NALF1: variants seen among roughly 807,000 people sequenced by gnomAD.
The protein encoded by NALF1 is family with sequence similarity 155 member A.
In NALF1, 3 loss-of-function variants were observed where a neutral mutation model predicts 48.4. The ratio of observed to expected loss-of-function variants is 0.06; its 90% CI spans 0.03 to 0.16. The LOEUF is 0.16. Ranked by LOEUF, NALF1 falls within the 10% of genes least tolerant of loss-of-function variation. NALF1 has a pLI of 1.00. For synonymous variants in NALF1, 262 were observed against 245.7 expected, an observed-to-expected ratio of 1.07 and a Z score of -0.62; for missense variants, 526 against 571.5, an observed-to-expected ratio of 0.92 and a Z score of 0.81.
chr13:107,506,712 A>T (rs960625165), intron 1 of NALF1, among the ~76,000 whole-genome samples: 1 of 152,108 alleles, frequency 6.6e-6, no homozygotes, highest in African/African-American at 2.4e-5. Flanking sequence ...AGGTATCAGA[A>T]TTCATTTTTT....
rs1878760466 is a variant in NALF1 at position 107,169,935 on chromosome 13, A to ACTT, written c.*559_*561dup. The ACTT allele has an allele frequency of 1.4e-5, 2 of 144,334 alleles. No individual in the cohort carries two copies. Among genetic ancestry groups the ACTT allele is most frequent in the African/African-American group, 5.3e-5 (2 of 37,808 alleles). The allele number at this position is 144,334 out of a possible 1,614,324, so 8.9% of individuals were successfully genotyped here. The stretch of plus-strand genomic sequence containing the variant: ...TGTTGGTTCTGTGGGTAGAAGGGAG[A>ACTT]CTTAGGGATTTTTTTTATTTTTATT... On this transcript the variant is annotated 3_prime_UTR_variant, in exon 3 of 3. Coordinates refer to ENST00000375915, the MANE Select transcript of NALF1 (RefSeq NM_001080396.3).
At chr13:107,683,440 A>T (rs865976627) in intron 1 of NALF1, among the ~76,000 whole-genome samples, 10 of 152,296 alleles carry the variant, frequency 6.6e-5, no homozygotes, top group Admixed American at 2.0e-4. Flanking sequence ...AGACAGACTT[A>T]GGGTCACTTT....
chr13:107,554,649 A>G (rs1877402550), intron 1 of NALF1, among the ~76,000 whole-genome samples: 1 of 152,174 alleles, frequency 6.6e-6, no homozygotes, highest in Admixed American at 6.5e-5. Flanking sequence ...GATTGGATGT[A>G]TTATTTACAC....
intron 1 of NALF1, among the ~76,000 whole-genome samples, chr13:107,540,978 C>T (rs941045939): frequency 2.0e-5 from 3 of 152,080 alleles, no homozygotes; most frequent in African/African-American, 7.2e-5. Flanking sequence ...ATTAACTTTA[C>T]AGACTTCTAA....
chr13:107,182,924 G>T, intron 2 of NALF1, among the ~76,000 whole-genome samples: 1 of 152,170 alleles, frequency 6.6e-6, no homozygotes, highest in East Asian at 1.9e-4. Context: ...ACGGGGGATG[G>T]CAGGAATATT....
intron 1 of NALF1, among the ~76,000 whole-genome samples, chr13:107,459,735 T>C (rs1044818036): frequency 2.6e-5 from 4 of 152,088 alleles, no homozygotes; most frequent in African/African-American, 9.7e-5. Flanking sequence ...GTCATGCTTC[T>C]TATTTTTTAT....
In NALF1 at chr13:107,733,229, A is replaced by C. The variant is rs116583000; in HGVS notation, c.915+132453T>G. 4.0e-3 allele frequency among the ~76,000 whole-genome samples: 612 copies of C among 152,300 alleles called. 4 individuals carry two copies. Among genetic ancestry groups the C allele is most frequent in the African/African-American group, 0.014 (586 of 41,574 alleles). The stretch of plus-strand genomic sequence containing the variant: ...ATGCCGACTTAAACTGTCTAGTCTG[A>C]GCCTAGCAACCTAGGCAGAAGTGAG... On this transcript the variant is annotated intron_variant, in intron 1 of 2. Transcript: ENST00000375915.
chr13:107,594,308 A>G (rs1247211578), intron 1 of NALF1, among the ~76,000 whole-genome samples: 1 of 152,116 alleles, frequency 6.6e-6, no homozygotes, highest in Non-Finnish European at 1.5e-5. Flanking sequence ...TAGGCACTCA[A>G]CAAAGATGAA....
At chr13:107,843,701 A>G (rs1171147734) in intron 1 of NALF1, among the ~76,000 whole-genome samples, 1 of 152,132 alleles carries the variant, frequency 6.6e-6, no homozygotes, top group East Asian at 1.9e-4. Context: ...GTGCACATGG[A>G]TGACCTCTTT....
intron 1 of NALF1, among the ~76,000 whole-genome samples, chr13:107,768,839 A>G (rs944654432): frequency 9.2e-5 from 14 of 152,176 alleles, no homozygotes; most frequent in Non-Finnish European, 1.6e-4. Flanking sequence ...AAACAAATTT[A>G]CAAGAAAAAA....
At chr13:107,638,259 C>T (rs1299881261) in intron 1 of NALF1, among the ~76,000 whole-genome samples, 1 of 141,652 alleles carries the variant, frequency 7.1e-6, no homozygotes, top group Non-Finnish European at 1.5e-5. Flanking sequence ...TGGCAGACTG[C>T]TTCTACCTTC....
intron 1 of NALF1, among the ~76,000 whole-genome samples, chr13:107,822,155 G>C (rs1879377402): frequency 6.6e-6 from 1 of 152,036 alleles, no homozygotes; most frequent in South Asian, 2.1e-4. Flanking sequence ...TGTTATAAAA[G>C]TGGCAGAGTA....
At chr13:107,783,015 T>TGG (rs1434601766) in intron 1 of NALF1, among the ~76,000 whole-genome samples, 1 of 105,502 alleles carries the variant, frequency 9.5e-6, no homozygotes, top group African/African-American at 3.8e-5. Context: ...GGGAGGGAGG[T>TGG]GGGGGGTCAG....
At chr13:107,248,019 T>G (rs1377435806) in intron 1 of NALF1, among the ~76,000 whole-genome samples, 1 of 152,070 alleles carries the variant, frequency 6.6e-6, no homozygotes, top group Non-Finnish European at 1.5e-5. Flanking sequence ...TGGAAGATAC[T>G]CACATTGGCA....
At chr13:107,611,111 G>A (rs1879212886) in intron 1 of NALF1, among the ~76,000 whole-genome samples, 1 of 152,160 alleles carries the variant, frequency 6.6e-6, no homozygotes, top group Non-Finnish European at 1.5e-5. Context: ...GTGATACTTT[G>A]TGTAATTATT....
intron 1 of NALF1, among the ~76,000 whole-genome samples, chr13:107,681,373 C>CG (rs1881298154): frequency 6.6e-6 from 1 of 152,008 alleles, no homozygotes; most frequent in Non-Finnish European, 1.5e-5. Flanking sequence ...ATGAAAGGGT[C>CG]ACTGGTCTGG....
intron 1 of NALF1, among the ~76,000 whole-genome samples, chr13:107,498,048 C>T (rs199939597): frequency 8.6e-5 from 13 of 151,728 alleles, no homozygotes; most frequent in Admixed American, 2.0e-4. Context: ...AAGCTAATAA[C>T]GTGATATTTT....
At chr13:107,235,760 C>G (rs1263349989) in intron 1 of NALF1, among the ~76,000 whole-genome samples, 1 of 152,118 alleles carries the variant, frequency 6.6e-6, no homozygotes, top group African/African-American at 2.4e-5. Context: ...CAAAGAAACA[C>G]CATTTTCAGG....
chr13:107,344,965 TAAA>T (rs929166457), intron 1 of NALF1, among the ~76,000 whole-genome samples: 3 of 152,042 alleles, frequency 2.0e-5, no homozygotes, highest in Non-Finnish European at 4.4e-5. Flanking sequence ...TTAGAACTAA[TAAA>T]AACAAATTCG....
Sources: gnomAD v4.1 joint callset for allele counts (sites outside exome capture counted in the v4.1 genomes callset) on GRCh38, gnomAD v4.1.1 for gene constraint, MANE v1.5 for transcripts, NCBI Gene and HGNC (gene_info 2026-07-23, HGNC 2026-07-21) for gene names.